Variants in SPAG16 observed in about 807,000 individuals in gnomAD.
The protein encoded by SPAG16 is sperm-associated antigen 16 protein.
In SPAG16, 86 loss-of-function variants were observed where a neutral mutation model predicts 80.4. That is an observed-to-expected ratio of 1.07 (90% CI 0.90 to 1.28). The LOEUF is 1.28. Among genes scored for constraint, SPAG16 ranks in the 50% most tolerant of loss-of-function variants. SPAG16 has a pLI of 0.00. For missense variants in SPAG16, 870 were observed against 765.3 expected (o/e 1.14, Z -1.61); for synonymous variants, 294 against 265.9 (o/e 1.11, Z -1.03).
intron 12 of SPAG16, among the ~76,000 whole-genome samples, chr2:214,013,173 T>A (rs949129666): frequency 8.6e-6 from 1 of 116,126 alleles, no homozygotes; most frequent in Non-Finnish European, 1.9e-5. Context: ...GGTATGAGTA[T>A]TTTGTCTTTT....
intron 15 of SPAG16, among the ~76,000 whole-genome samples, chr2:214,153,392 A>ATT (rs1380450844): frequency 6.6e-6 from 1 of 152,192 alleles, no homozygotes. Flanking sequence ...AATTGCTACA[A>ATT]ACTAATGATT....
chr2:214,137,924 G>C (rs2125523733), intron 14 of SPAG16, among the ~76,000 whole-genome samples: 1 of 151,882 alleles, frequency 6.6e-6, no homozygotes. Context: ...TAATTTGATA[G>C]AAAAAAAGGA....
At chr2:214,314,942 C>T (rs554696038) in intron 15 of SPAG16, among the ~76,000 whole-genome samples, 1 of 149,290 alleles carries the variant, frequency 6.7e-6, no homozygotes, top group African/African-American at 2.5e-5. Context: ...GAAGGTTAAA[C>T]CAATATGATA....
At chr2:213,449,164 C>G (rs2071536109) in intron 9 of SPAG16, among the ~76,000 whole-genome samples, 1 of 152,258 alleles carries the variant, frequency 6.6e-6, no homozygotes, top group Admixed American at 6.5e-5. Context: ...TCCCTGGTCT[C>G]CTGCAGAACC....
At chr2:213,285,819 A>T in intron 1 of SPAG16, 1 of 1,008,758 alleles carries the variant, frequency 9.9e-7, no homozygotes, top group Non-Finnish European at 1.4e-6. Context: ...CTGTTTTCGT[A>T]GATGTAACAG....
At chr2:214,363,210 C>T (rs992738156) in intron 15 of SPAG16, among the ~76,000 whole-genome samples, 1 of 151,876 alleles carries the variant, frequency 6.6e-6, no homozygotes, top group African/African-American at 2.4e-5. Context: ...AGCTAGAAGT[C>T]TCGATGTACT....
At chr2:213,644,160 A>AT (rs2062733008) in intron 10 of SPAG16, among the ~76,000 whole-genome samples, 1 of 151,302 alleles carries the variant, frequency 6.6e-6, no homozygotes, top group African/African-American at 2.4e-5. Context: ...TGCTAATTGC[A>AT]TTTTTCAGCT....
chr2:213,979,855 C>A (rs1386747990), intron 12 of SPAG16, among the ~76,000 whole-genome samples: 1 of 152,014 alleles, frequency 6.6e-6, no homozygotes, highest in Non-Finnish European at 1.5e-5. Flanking sequence ...CATAATATTC[C>A]TATACTGCTT....
chr2:213,401,870 G>A (rs1195238921), intron 9 of SPAG16, among the ~76,000 whole-genome samples: 3 of 151,450 alleles, frequency 2.0e-5, no homozygotes, highest in African/African-American at 7.3e-5. Flanking sequence ...TTCTCTTTCA[G>A]TGTTTGCTCT....
At chr2:213,883,739 G>A (rs1299314730) in intron 11 of SPAG16, among the ~76,000 whole-genome samples, 1 of 152,130 alleles carries the variant, frequency 6.6e-6, no homozygotes, top group East Asian at 1.9e-4. Flanking sequence ...CTGCTTGTTG[G>A]ATTGCACCCT....
At chr2:214,085,445 CA>C (rs1174483669) in intron 13 of SPAG16, among the ~76,000 whole-genome samples, 1 of 112,668 alleles carries the variant, frequency 8.9e-6, no homozygotes, top group Non-Finnish European at 2.1e-5. Flanking sequence ...TGAAAGTCTC[CA>C]TATGTTGGTA....
intron 13 of SPAG16, 117 bp from the exon 14 acceptor site, chr2:214,108,079 T>A (rs937530723): frequency 1.5e-6 from 1 of 676,928 alleles, no homozygotes; most frequent in Non-Finnish European, 2.5e-6. Flanking sequence ...ATGGTGAGAA[T>A]GTATTAATTC....
intron 9 of SPAG16, among the ~76,000 whole-genome samples, chr2:213,395,811 T>A (rs928263578): frequency 6.6e-6 from 1 of 152,230 alleles, no homozygotes; most frequent in Non-Finnish European, 1.5e-5. Flanking sequence ...TTTGGCTGGA[T>A]AGAACATCAC....
At position 213,469,205 on chromosome 2, in the gene SPAG16, C is replaced by A. The variant is rs1238930369; in HGVS notation, c.943-20758C>A. On this transcript the variant is annotated intron_variant, in intron 9 of 15. Transcript: ENST00000331683. ...CACATGTCCTGAGATTATACATAAT[C>A]AAATAAAGACAACAATAAGGTAATA... 7.2e-5 allele frequency among the ~76,000 whole-genome samples: 11 copies of A among 152,186 alleles called. No individual in the cohort carries two copies. In the South Asian group the frequency reaches 1.9e-3, roughly 26 times the overall value.
chr2:214,395,602 G>A (rs1021930417), intron 15 of SPAG16, among the ~76,000 whole-genome samples: 2 of 152,076 alleles, frequency 1.3e-5, no homozygotes, highest in African/African-American at 4.8e-5. Context: ...ACAGGGGTTT[G>A]GTGTACAAAA....
chr2:213,312,074 A>T (rs956136008), intron 4 of SPAG16, among the ~76,000 whole-genome samples: 2 of 151,816 alleles, frequency 1.3e-5, no homozygotes, highest in Non-Finnish European at 3.0e-5. Flanking sequence ...TGGAACACAG[A>T]TATAACCTTT....
At position 213,872,523 on chromosome 2, in the gene SPAG16, C is replaced by T. The variant is rs1403529189; in HGVS notation, c.1214+9895C>T. On this transcript the variant is annotated intron_variant, in intron 11 of 15. Coordinates refer to ENST00000331683, the MANE Select transcript of SPAG16 (RefSeq NM_024532.5). ...GACTTCTCTATATACAAGATCATAT[C>T]ATCTCTGAAGAGAGATCATTTTACT... Among the ~76,000 whole-genome samples, 7 of 152,214 alleles carry T rather than the reference C, an allele frequency of 4.6e-5. No individual in the cohort carries two copies. The East Asian group carries it at 1.4e-3, about 29-fold the overall frequency.
At chr2:214,280,752 C>T in intron 15 of SPAG16, 1 of 422,162 alleles carries the variant, frequency 2.4e-6, no homozygotes, top group South Asian at 2.1e-5. Context: ...AACTTATTTC[C>T]TGGGCGTCTT....
intron 15 of SPAG16, among the ~76,000 whole-genome samples, chr2:214,229,520 G>T (rs1400628046): frequency 6.6e-6 from 1 of 151,312 alleles, no homozygotes; most frequent in African/African-American, 2.4e-5. Context: ...GTATATATAT[G>T]TGTGTGTGTA....
Sources: gnomAD v4.1 joint callset for allele counts (sites outside exome capture counted in the v4.1 genomes callset) on GRCh38, gnomAD v4.1.1 for gene constraint, MANE v1.5 for transcripts, NCBI Gene and HGNC (gene_info 2026-07-23, HGNC 2026-07-21) for gene names.